SUPT20H: variants seen among roughly 807,000 people sequenced by gnomAD.
SUPT20H encodes SPT20 homolog, SAGA complex component, also known as transcription factor SPT20 homolog.
A neutral mutation model predicts 122.8 loss-of-function variants in SUPT20H; 82 were observed. The observed-to-expected ratio is 0.67, with a 90% CI of 0.56 to 0.80. The LOEUF (loss-of-function observed/expected upper bound fraction) is 0.80, where lower values mean the gene tolerates loss of function less well. Among genes scored for constraint, SUPT20H ranks in the 30% least tolerant of loss-of-function variants. The probability of loss-of-function intolerance (pLI) is 0.00; values close to 1 mark genes in which losing one functional copy is unlikely to be tolerated. For synonymous variants in SUPT20H, 291 were observed against 313.0 expected (o/e 0.93, Z 0.74); for missense variants, 831 against 921.6 (o/e 0.90, Z 1.27).
At chr13:37,045,420 T>C in intron 5 of SUPT20H, 47 bp from the exon 6 acceptor site, 2 of 1,595,096 alleles carry the variant, frequency 1.3e-6, no homozygotes, top group East Asian at 2.2e-5. Flanking sequence ...CAGTATAACC[T>C]TAACAAATAA....
At position 37,059,641 on chromosome 13, in the gene SUPT20H, G is replaced by A. The variant is rs1171208851; in HGVS notation, c.-176C>T. ...GCCCACCCGCCCCGTCGGCGGCTCA[G>A]TGCTGCACCCCCACCAACAGCCAGT... On this transcript the variant is annotated 5_prime_UTR_variant, in exon 1 of 26. Coordinates refer to ENST00000350612, the MANE Select transcript of SUPT20H (RefSeq NM_001014286.3). The A allele has an allele frequency of 6.6e-6, 1 of 152,464 alleles. No homozygotes were observed. Among genetic ancestry groups the A allele is most frequent in the Non-Finnish European group, 1.5e-5 (1 of 68,228 alleles). 9.4% of individuals were successfully genotyped at this position (152,464 alleles called of 1,614,324 possible).
chr13:37,057,641 C>T (rs984897438), intron 1 of SUPT20H, among the ~76,000 whole-genome samples: 1 of 151,804 alleles, frequency 6.6e-6, no homozygotes, highest in African/African-American at 2.4e-5. Flanking sequence ...GCAGTAGTTC[C>T]AGACCTGCCT....
At chr13:37,024,667 G>C in intron 17 of SUPT20H, 1 of 295,224 alleles carries the variant, frequency 3.4e-6, no homozygotes, top group Non-Finnish European at 6.1e-6. Context: ...TACACATAAA[G>C]AATGAGGAAA....
chr13:37,057,134 C>T (rs1360566668), intron 1 of SUPT20H: 1 of 151,484 alleles, frequency 6.6e-6, no homozygotes, highest in Non-Finnish European at 1.5e-5. Flanking sequence ...CTTGTCACTA[C>T]TAAGGGAAGA....
At chr13:37,017,034 T>C (rs964398025) in intron 23 of SUPT20H, among the ~76,000 whole-genome samples, 1 of 152,192 alleles carries the variant, frequency 6.6e-6, no homozygotes, top group African/African-American at 2.4e-5. Context: ...TGGATCTCAA[T>C]CATCTATGCA....
chr13:37,021,560 G>A lies in SUPT20H; in HGVS notation c.1704C>T (p.Gly568=), dbSNP rs1329624231. The change falls in exon 21 of 26, where the codon GGC becomes GGT. Residue 568 remains glycine, a synonymous_variant. Coordinates refer to ENST00000350612, the MANE Select transcript of SUPT20H (RefSeq NM_001014286.3). ...ALMSGSNPML[G]CNTGAITPAG... ...CAGGAGTTATGGCACCAGTGTTACA[G>A]CCCAGCATGGGGTTTGAACCACTCA... is the stretch of plus-strand genomic sequence containing the variant. 6 of 1,613,544 alleles carry A rather than the reference G, an allele frequency of 3.7e-6. No individual in the cohort carries two copies. The East Asian group carries it at 1.1e-4, about 30-fold the overall frequency.
intron 18 of SUPT20H, 43 bp from the exon 19 acceptor site, chr13:37,024,236 C>A: frequency 6.4e-7 from 1 of 1,563,972 alleles, no homozygotes; most frequent in Non-Finnish European, 8.7e-7. Context: ...ATAATTCAAA[C>A]TTCTGTGAAC....
At chr13:37,051,897 C>T (rs1023079929) in intron 1 of SUPT20H, among the ~76,000 whole-genome samples, 1 of 152,262 alleles carries the variant, frequency 6.6e-6, no homozygotes, top group South Asian at 2.1e-4. Context: ...TTCTCTATCA[C>T]TACTGTTGCT....
At chr13:37,018,824 C>T (rs937466339) in intron 22 of SUPT20H, among the ~76,000 whole-genome samples, 2 of 152,034 alleles carry the variant, frequency 1.3e-5, no homozygotes, top group African/African-American at 4.8e-5. Flanking sequence ...GCTTGGCTAA[C>T]TTTTTGTAGT....
chr13:37,012,491 T>C (rs1455694034), intron 23 of SUPT20H, 194 bp from the exon 24 acceptor site: 1 of 433,922 alleles, frequency 2.3e-6, no homozygotes, highest in Non-Finnish European at 4.1e-6. Context: ...CAAAGAAAAC[T>C]TCATTTTTCA....
intron 24 of SUPT20H, among the ~76,000 whole-genome samples, chr13:37,011,589 C>T (rs932476282): frequency 1.4e-5 from 2 of 144,594 alleles, no homozygotes; most frequent in Non-Finnish European, 3.0e-5. Context: ...TTAGAATTAT[C>T]GTCTTCAACT....
At position 37,029,828 on chromosome 13, in the gene SUPT20H, T is replaced by G. The variant is rs1377951613; in HGVS notation, c.930A>C (p.Lys310Asn). The change falls in exon 13 of 26, where the codon AAA becomes AAC. Residue 310 changes from lysine (K) to asparagine (N), a missense_variant. Lys to Asn is a moderately conservative substitution (Grantham distance 94). Transcript: ENST00000350612. ...LAIPSEVDVE[K>N]YAKVEKSIKS... The stretch of plus-strand genomic sequence containing the variant: ...TGATAGACTTTTCCACTTTAGCATA[T>G]TTCTCCACCTAAACAATCAAATCAA... 10 of 1,595,438 alleles carry G rather than the reference T, an allele frequency of 6.3e-6. No individual in the cohort carries two copies. The highest frequency in any genetic ancestry group is 6.8e-6 in the Non-Finnish European group (8 of 1,172,054).
chr13:37,037,447 G>A (rs2138426446), intron 9 of SUPT20H, among the ~76,000 whole-genome samples: 1 of 152,328 alleles, frequency 6.6e-6, no homozygotes, highest in South Asian at 2.1e-4. Context: ...CAAACCCACA[G>A]TAACTCCGAG....
At chr13:37,039,928 A>C (rs1237770974) in intron 9 of SUPT20H, 1 of 152,258 alleles carries the variant, frequency 6.6e-6, no homozygotes, top group African/African-American at 2.4e-5. Flanking sequence ...TTTTCCACAA[A>C]CTTTCTGAAG....
chr13:37,025,702 T>A (rs1383582638), intron 16 of SUPT20H: 1 of 328,146 alleles, frequency 3.0e-6, no homozygotes. Flanking sequence ...ATTACAGGGA[T>A]TACTTAAGTA....
intron 1 of SUPT20H, among the ~76,000 whole-genome samples, chr13:37,055,214 C>T (rs1015245629): frequency 1.2e-4 from 18 of 152,092 alleles, no homozygotes; most frequent in South Asian, 4.1e-4. Context: ...ATAGATTCAA[C>T]GCCATCCCCA....
At chr13:37,049,329 C>A (rs1325042353) in intron 2 of SUPT20H, among the ~76,000 whole-genome samples, 1 of 152,088 alleles carries the variant, frequency 6.6e-6, no homozygotes, top group African/African-American at 2.4e-5. Context: ...ACTAGTAGAT[C>A]CCTATCCGTT....
rs149718994 is a variant in SUPT20H at position 37,023,800 on chromosome 13, A to G, written c.1591+235T>C. On this transcript the variant is annotated intron_variant, in intron 19 of 25. Coordinates refer to ENST00000350612, the MANE Select transcript of SUPT20H (RefSeq NM_001014286.3). ...AAGGAGATGTGTAGGTTGTAAGCCT[A>G]TAAGAAAGGTACACGCAGAATGTAT... The G allele has an allele frequency of 8.0e-5, 28 of 349,610 alleles. No homozygotes were observed. In the Admixed American group the frequency reaches 1.1e-3, roughly 13 times the overall value. The allele number at this position is 349,610 out of a possible 1,614,324, so 21.7% of individuals were successfully genotyped here. A position where few individuals can be genotyped will look rare whatever the true frequency, so the allele number is the denominator to read the frequency against.
intron 1 of SUPT20H, among the ~76,000 whole-genome samples, chr13:37,055,812 C>G (rs1297359437): frequency 6.6e-6 from 1 of 152,102 alleles, no homozygotes; most frequent in South Asian, 2.1e-4. Context: ...AAAGAAACTA[C>G]CATCAGAGTG....
Sources: gnomAD v4.1 joint callset for allele counts (sites outside exome capture counted in the v4.1 genomes callset) on GRCh38, gnomAD v4.1.1 for gene constraint, MANE v1.5 for transcripts, NCBI Gene and HGNC (gene_info 2026-07-23, HGNC 2026-07-21) for gene names.